The following IPO11 variants were observed in gnomAD, a reference collection of about 807,000 sequenced individuals.
IPO11 encodes importin 11.
A neutral mutation model predicts 143.2 loss-of-function variants in IPO11; 66 were observed. The ratio of observed to expected loss-of-function variants is 0.46; its 90% CI spans 0.38 to 0.57. The LOEUF (loss-of-function observed/expected upper bound fraction) is 0.57, where lower values mean the gene tolerates loss of function less well. IPO11 is among the 20% of genes least tolerant of loss of function. The probability of loss-of-function intolerance (pLI) is 0.00; values close to 1 mark genes in which losing one functional copy is unlikely to be tolerated. For synonymous variants in IPO11, 385 were observed against 377.8 expected, an observed-to-expected ratio of 1.02 and a Z score of -0.22; for missense variants, 1,026 against 1,141.0, an observed-to-expected ratio of 0.90 and a Z score of 1.45.
chr5:62,430,764 G>A (rs1211496604), intron 1 of IPO11, among the ~76,000 whole-genome samples: 2 of 147,232 alleles, frequency 1.4e-5, no homozygotes, highest in African/African-American at 5.1e-5. Flanking sequence ...TGCAACCTCT[G>A]CCTCCTGGGT....
intron 3 of IPO11, among the ~76,000 whole-genome samples, chr5:62,445,795 A>G (rs1401302307): frequency 1.3e-5 from 2 of 152,270 alleles, no homozygotes; most frequent in African/African-American, 4.8e-5. Flanking sequence ...GACTTACAAC[A>G]TTTTGTATTT....
intron 27 of IPO11, among the ~76,000 whole-genome samples, chr5:62,585,534 C>T (rs1375890746): frequency 6.6e-6 from 1 of 152,062 alleles, no homozygotes; most frequent in Non-Finnish European, 1.5e-5. Flanking sequence ...GAGAGCTGGG[C>T]AGGAACCAGG....
chr5:62,554,964 A>G (rs1273519304), intron 26 of IPO11, among the ~76,000 whole-genome samples: 1 of 152,154 alleles, frequency 6.6e-6, no homozygotes, highest in Non-Finnish European at 1.5e-5. Flanking sequence ...ATCCACCTGC[A>G]CTGGACTCCC....
At chr5:62,435,629 A>C (rs935139383) in intron 1 of IPO11, among the ~76,000 whole-genome samples, 2 of 150,986 alleles carry the variant, frequency 1.3e-5, no homozygotes, top group African/African-American at 4.9e-5. Context: ...TAATCCCAGC[A>C]CTTTGGGTGG....
At chr5:62,548,058 G>T (rs1314857221) in intron 24 of IPO11, among the ~76,000 whole-genome samples, 1 of 144,108 alleles carries the variant, frequency 6.9e-6, no homozygotes, top group Admixed American at 6.8e-5. Context: ...GTTGTTAATT[G>T]TAGGCAGTAT....
At position 62,551,351 on chromosome 5, in the gene IPO11, A is replaced by G; in HGVS notation, c.2460+15A>G. 7.9e-7 allele frequency: 1 copy of G among 1,267,396 alleles called. No homozygotes were observed. The highest frequency in any genetic ancestry group is 2.3e-5 in the East Asian group (1 of 43,066). 78.5% of individuals were successfully genotyped at this position (1,267,396 alleles called of 1,614,324 possible). ...TTAATCAGGAGGTAAGAATCAATAT[A>G]CTTAAATTTAAGGAAGTCTTTATCT... On this transcript the variant is annotated intron_variant, in intron 26 of 29. Transcript: ENST00000325324.
At chr5:62,418,907 G>A in intron 1 of IPO11, 1 of 1,322,370 alleles carries the variant, frequency 7.6e-7, no homozygotes, top group East Asian at 2.6e-5. Context: ...TGAAACTGCT[G>A]GGTCATAGAA....
intron 5 of IPO11, among the ~76,000 whole-genome samples, chr5:62,459,389 A>AAAATAAATAAATAAATAAAT (rs70981011): frequency 1.8e-3 from 269 of 151,704 alleles, no homozygotes; most frequent in African/African-American, 6.2e-3. Context: ...CTCTGTCTCA[A>AAAATAAATAAATAAATAAAT]AAATAAATAA....
At chr5:62,522,359 A>G (rs918698345) in intron 20 of IPO11, among the ~76,000 whole-genome samples, 2 of 151,276 alleles carry the variant, frequency 1.3e-5, no homozygotes, top group East Asian at 3.9e-4. Context: ...ATCTTGGCTC[A>G]CTGCAACCTC....
chr5:62,525,858 A>G (rs1304080659), intron 20 of IPO11, among the ~76,000 whole-genome samples: 1 of 152,236 alleles, frequency 6.6e-6, no homozygotes, highest in Non-Finnish European at 1.5e-5. Context: ...GGAGAGGAAA[A>G]TAGATATTTC....
chr5:62,570,092 G>T (rs143610328), intron 27 of IPO11, among the ~76,000 whole-genome samples: 2,661 of 152,230 alleles, frequency 0.017, 74 homozygotes, highest in African/African-American at 0.059. Context: ...AATTTTGTTA[G>T]CTTTAATCCA....
At chr5:62,514,437 C>T (rs1305887447) in intron 19 of IPO11, among the ~76,000 whole-genome samples, 3 of 151,896 alleles carry the variant, frequency 2.0e-5, no homozygotes, top group South Asian at 2.1e-4. Flanking sequence ...CAAAAAAACA[C>T]GAAAACCAGT....
chr5:62,586,269 T>C (rs1744768130), intron 27 of IPO11, among the ~76,000 whole-genome samples: 1 of 152,214 alleles, frequency 6.6e-6, no homozygotes. Context: ...TTTAGAAATA[T>C]TTTTTCTTTT....
chr5:62,581,216 A>G, intron 27 of IPO11: 1 of 1,550,732 alleles, frequency 6.4e-7, no homozygotes, highest in Non-Finnish European at 8.7e-7. Context: ...AATTCTCTAG[A>G]AAGTCCTGGC....
intron 3 of IPO11, among the ~76,000 whole-genome samples, chr5:62,446,022 A>G (rs190680986): frequency 1.8e-4 from 27 of 152,338 alleles, no homozygotes; most frequent in Non-Finnish European, 2.9e-4. Flanking sequence ...TTGATAGTAG[A>G]AGGGAACTAT....
Position 62,561,218 on chromosome 5 carries a change from C to T in IPO11, c.2543C>T (p.Ser848Leu). Residue 848 changes from serine (S) to leucine (L), a missense_variant, in exon 27 of 30, where the codon TCA (serine) becomes TTA (leucine). Coordinates refer to ENST00000325324, the MANE Select transcript of IPO11 (RefSeq NM_016338.5). ...ACCCAGCCTGAAAGAAGAAAACTTTCAGCTTTGGCTTTGCTCTCTCTTCTG... is the reference window on the plus strand; with the variant it reads ...ACCCAGCCTGAAAGAAGAAAACTTTTAGCTTTGGCTTTGCTCTCTCTTCTG... The part of the protein sequence containing the change: ...NITQPERRKL[S>L]ALALLSLLPS... 3.1e-6 allele frequency: 5 copies of T among 1,610,224 alleles called. No homozygotes were observed. In the African/African-American group the frequency reaches 4.0e-5, roughly 13 times the overall value.
chr5:62,627,608 A>C lies in IPO11; in HGVS notation c.*290A>C, dbSNP rs1746631102. 4.4e-6 allele frequency: 1 copy of C among 226,294 alleles called. No individual in the cohort carries two copies. Among genetic ancestry groups the C allele is most frequent in the African/African-American group, 2.3e-5 (1 of 44,290 alleles). The allele number at this position is 226,294 out of a possible 1,614,324, so 14.0% of individuals were successfully genotyped here. A position where few individuals can be genotyped will look rare whatever the true frequency, so the allele number is the denominator to read the frequency against. On this transcript the variant is annotated 3_prime_UTR_variant, in exon 30 of 30. Transcript: ENST00000325324. ...AGCTGCTTAGTTTCCTGTTAAGAGA[A>C]GAAACTTTATCTTTTAATTATGTGC...
At chr5:62,592,033 A>G (rs535632713) in intron 28 of IPO11, among the ~76,000 whole-genome samples, 1 of 152,198 alleles carries the variant, frequency 6.6e-6, no homozygotes, top group East Asian at 1.9e-4. Flanking sequence ...TATTTTTAGT[A>G]GAGACGGGGT....
chr5:62,473,587 A>G (rs1467514394), intron 7 of IPO11, among the ~76,000 whole-genome samples: 1 of 152,138 alleles, frequency 6.6e-6, no homozygotes, highest in Non-Finnish European at 1.5e-5. Context: ...GTGGCATTCT[A>G]GAGTTAATTA....
Sources: gnomAD v4.1 joint callset for allele counts (sites outside exome capture counted in the v4.1 genomes callset) on GRCh38, gnomAD v4.1.1 for gene constraint, MANE v1.5 for transcripts, NCBI Gene and HGNC (gene_info 2026-07-23, HGNC 2026-07-21) for gene names.